The following YIPF1 variants were observed in gnomAD, a reference collection of about 807,000 sequenced individuals.
YIPF1 encodes Yip1 domain family member 1, also known as protein YIPF1.
YIPF1 carries 22 observed loss-of-function variants against 37.0 expected under a neutral mutation model. The ratio of observed to expected loss-of-function variants is 0.59; its 90% CI spans 0.42 to 0.85. The LOEUF (loss-of-function observed/expected upper bound fraction) is 0.85. YIPF1 is among the 40% of genes least tolerant of loss of function. The probability of loss-of-function intolerance (pLI) is 0.00; values close to 1 mark genes in which losing one functional copy is unlikely to be tolerated. For synonymous variants in YIPF1, 128 were observed against 131.9 expected (o/e 0.97, Z 0.21); for missense variants, 355 against 373.1 (o/e 0.95, Z 0.40).
intron 3 of YIPF1, among the ~76,000 whole-genome samples, chr1:53,885,881 T>C (rs1268143083): frequency 6.7e-6 from 1 of 149,186 alleles, no homozygotes; most frequent in East Asian, 2.0e-4. Flanking sequence ...ATACAAAGGA[T>C]AAATGCTTGA....
At chr1:53,886,959 G>GT (rs1295268531) in intron 3 of YIPF1, among the ~76,000 whole-genome samples, 1 of 151,966 alleles carries the variant, frequency 6.6e-6, no homozygotes, top group African/African-American at 2.4e-5. Flanking sequence ...AGGAAGAACC[G>GT]TGACAGCCCA....
chr1:53,874,274 T>C (rs560429124), intron 6 of YIPF1, among the ~76,000 whole-genome samples: 14 of 152,306 alleles, frequency 9.2e-5, no homozygotes, highest in Admixed American at 5.2e-4. Flanking sequence ...GGACCTGCCA[T>C]GTTGCTTCAT....
Position 53,875,173 on chromosome 1 carries a change from T to C in YIPF1, c.364+3142A>G, listed in dbSNP as rs115964167. ...CCATACAAAAGTTTCCACTGCTCCATATCCTTGGCCACACTTAATATCAAT... is the reference window on the plus strand; with the variant it reads ...CCATACAAAAGTTTCCACTGCTCCACATCCTTGGCCACACTTAATATCAAT... On this transcript the variant is annotated intron_variant, in intron 6 of 10. Transcript: ENST00000072644. 8.7e-3 allele frequency among the ~76,000 whole-genome samples: 1,326 copies of C among 152,304 alleles called. 14 individuals carry two copies. The highest frequency in any genetic ancestry group is 0.031 in the African/African-American group (1,283 of 41,566).
At chr1:53,883,599 T>C (rs1237277541) in intron 3 of YIPF1, among the ~76,000 whole-genome samples, 1 of 152,206 alleles carries the variant, frequency 6.6e-6, no homozygotes, top group African/African-American at 2.4e-5. Context: ...GAGAATAACA[T>C]TTATTTTAAA....
intron 7 of YIPF1, among the ~76,000 whole-genome samples, chr1:53,868,487 G>T (rs978729445): frequency 6.6e-6 from 1 of 152,178 alleles, no homozygotes; most frequent in African/African-American, 2.4e-5. Context: ...GGTAAGAACT[G>T]TTCTATGTAG....
intron 7 of YIPF1, among the ~76,000 whole-genome samples, chr1:53,868,475 C>G (rs1303600297): frequency 6.6e-6 from 1 of 152,156 alleles, no homozygotes; most frequent in Non-Finnish European, 1.5e-5. Flanking sequence ...TGAATAAAAG[C>G]AGGTAAGAAC....
In YIPF1 at chr1:53,866,035, C is replaced by T. The variant is rs142758061; in HGVS notation, c.831+165G>A. Among the ~76,000 whole-genome samples, 931 of 152,262 alleles carry T rather than the reference C, an allele frequency of 6.1e-3. 13 individuals are homozygous for T. The highest frequency in any genetic ancestry group is 0.021 in the African/African-American group (890 of 41,544). On this transcript the variant is annotated intron_variant, in intron 9 of 10. Transcript: ENST00000072644. The stretch of plus-strand genomic sequence containing the variant: ...CAGGCTGGTCTTGAGCTCCCGAGCT[C>T]GAGATCCGCCCACTTGGGCCTCCCA...
intron 7 of YIPF1, among the ~76,000 whole-genome samples, chr1:53,867,830 C>A (rs748965526): frequency 3.3e-5 from 5 of 152,166 alleles, no homozygotes; most frequent in Non-Finnish European, 5.9e-5. Context: ...AATAATTCCG[C>A]CACTGTGGCA....
intron 3 of YIPF1, 101 bp from the exon 4 acceptor site, chr1:53,883,377 T>C (rs1228460335): frequency 1.5e-6 from 2 of 1,311,566 alleles, no homozygotes; most frequent in Non-Finnish European, 2.0e-6. Flanking sequence ...AGCTTTGCTA[T>C]AGACCCTACC....
Position 53,883,158 on chromosome 1 carries a change from T to C in YIPF1, c.150A>G (p.Glu50=), listed in dbSNP as rs1381513965. The C allele has an allele frequency of 6.2e-7, 1 of 1,601,936 alleles. No homozygotes were observed. Among genetic ancestry groups the C allele is most frequent in the East Asian group, 2.3e-5 (1 of 43,978 alleles). The change falls in exon 4 of 11, where the codon GAA becomes GAG. Residue 50 remains glutamate (E), a synonymous_variant. Transcript: ENST00000072644. The part of the protein sequence containing the change: ...QPGSPRGSGR[E]EDDELLGNDD... ...CATTTCCCAGTAACTCATCATCTTC[T>C]TCTCTTCCTGAGCCTCTTGGGGATC...
intron 10 of YIPF1, among the ~76,000 whole-genome samples, chr1:53,857,435 C>G (rs1217510207): frequency 6.6e-6 from 1 of 152,210 alleles, no homozygotes; most frequent in Non-Finnish European, 1.5e-5. Flanking sequence ...CAGAGGAAGG[C>G]TCCATCAAAC....
intron 8 of YIPF1, 145 bp downstream of exon 8, chr1:53,866,613 G>A: frequency 8.7e-7 from 1 of 1,144,260 alleles, no homozygotes; most frequent in Non-Finnish European, 1.2e-6. Flanking sequence ...CCCCTTTCAT[G>A]CTTAACTTCT....
rs186940277 is a variant in YIPF1, at chr1:53,865,599, C to T, written c.831+601G>A. 3.7e-4 allele frequency among the ~76,000 whole-genome samples: 57 copies of T among 152,148 alleles called. 1 individual carries two copies. In the East Asian group the frequency reaches 0.011, roughly 29 times the overall value. ...GGTCCTGGAACCAACCACACCCCCACAACCCCCATACCAAGGAACAAATGT... is the reference window on the plus strand; with the variant it reads ...GGTCCTGGAACCAACCACACCCCCATAACCCCCATACCAAGGAACAAATGT... On this transcript the variant is annotated intron_variant, in intron 9 of 10. Coordinates refer to ENST00000072644, the MANE Select transcript of YIPF1 (RefSeq NM_018982.5).
intron 7 of YIPF1, among the ~76,000 whole-genome samples, chr1:53,870,441 G>T (rs1359940491): frequency 1.3e-5 from 2 of 151,972 alleles, no homozygotes; most frequent in African/African-American, 4.8e-5. Flanking sequence ...CTCCCAAAGT[G>T]CTGGGATGAC....
chr1:53,887,875 C>A (rs973260582), intron 3 of YIPF1, among the ~76,000 whole-genome samples: 27 of 152,288 alleles, frequency 1.8e-4, no homozygotes, highest in African/African-American at 6.5e-4. Context: ...TAAGGATTAT[C>A]TGTACAGGAT....
intron 4 of YIPF1, chr1:53,882,804 A>G: frequency 5.2e-6 from 1 of 193,578 alleles, no homozygotes; most frequent in Non-Finnish European, 1.0e-5. Context: ...TCAATATCTC[A>G]GGAGAGAGGC....
At chr1:53,874,402 G>A (rs749996741) in intron 6 of YIPF1, among the ~76,000 whole-genome samples, 5 of 152,116 alleles carry the variant, frequency 3.3e-5, no homozygotes, top group Non-Finnish European at 5.9e-5. Context: ...TTTATATTAT[G>A]AAATATTTCT....
intron 9 of YIPF1, 40 bp from the exon 10 acceptor site, chr1:53,860,193 A>T (rs1649829810): frequency 1.9e-6 from 3 of 1,603,836 alleles, no homozygotes; most frequent in Non-Finnish European, 2.6e-6. Context: ...TTAAAAAGAC[A>T]GTGGTCCGGG....
chr1:53,876,927 C>G (rs1650350885), intron 6 of YIPF1, among the ~76,000 whole-genome samples: 1 of 152,104 alleles, frequency 6.6e-6, no homozygotes, highest in South Asian at 2.1e-4. Flanking sequence ...ATAAGGCTAC[C>G]TTGGAGTATG....
Sources: allele counts gnomAD v4.1 joint callset (sites outside exome capture counted in the v4.1 genomes callset), GRCh38; gene constraint gnomAD v4.1.1; transcripts MANE v1.5; gene names NCBI Gene and HGNC (gene_info 2026-07-23, HGNC 2026-07-21).